Variants in TSHZ2 observed in about 807,000 individuals in gnomAD.
TSHZ2 encodes teashirt zinc finger homeobox 2.
Under a neutral mutation model 74.4 loss-of-function variants are expected in TSHZ2, and 21 were observed. The ratio of observed to expected loss-of-function variants is 0.28; its 90% CI spans 0.20 to 0.41. TSHZ2 has a LOEUF of 0.41. Ranked by LOEUF, TSHZ2 falls within the 10% of genes least tolerant of loss-of-function variation. TSHZ2 has a pLI of 1.00. For synonymous variants in TSHZ2, 540 were observed against 515.3 expected, an observed-to-expected ratio of 1.05 and a Z score of -0.65; for missense variants, 1,244 against 1,293.5, an observed-to-expected ratio of 0.96 and a Z score of 0.59.
intron 1 of TSHZ2, among the ~76,000 whole-genome samples, chr20:53,032,965 A>G (rs1983691313): frequency 6.6e-6 from 1 of 152,188 alleles, no homozygotes; most frequent in African/African-American, 2.4e-5. Flanking sequence ...CTGGAATTAA[A>G]TATAACAGTA....
At chr20:53,078,737 T>G in intron 1 of TSHZ2, among the ~76,000 whole-genome samples, 1 of 152,088 alleles carries the variant, frequency 6.6e-6, no homozygotes, top group South Asian at 2.1e-4. Flanking sequence ...GTGGGTGGAT[T>G]GAGATAGATT....
At position 53,074,144 on chromosome 20, in the gene TSHZ2, T is replaced by C. The variant is rs1354080443; in HGVS notation, c.40+100811T>C. On this transcript the variant is annotated intron_variant, in intron 1 of 2. Transcript: ENST00000371497. This position sits in a 1 kb window ranked among gnomAD's most constrained non-coding sequence, Gnocchi z 5.9. ...TCCTTGGTGAACTCTTATGTATCTT[T>C]TAAACTGCTGTTCAAATGTCGCCTT... Among the ~76,000 whole-genome samples, 1 of 152,250 alleles carries C rather than the reference T, an allele frequency of 6.6e-6. No individual in the cohort carries two copies. The highest frequency in any genetic ancestry group is 2.4e-5 in the African/African-American group (1 of 41,472).
At chr20:53,070,092 GCAA>G in intron 1 of TSHZ2, among the ~76,000 whole-genome samples, 1 of 152,108 alleles carries the variant, frequency 6.6e-6, no homozygotes, top group Non-Finnish European at 1.5e-5. Flanking sequence ...ATCTTATTTA[GCAA>G]GAAAAACTTC....
intron 2 of TSHZ2, among the ~76,000 whole-genome samples, chr20:53,307,536 T>G (rs1567664): frequency 0.34 from 52,089 of 151,968 alleles, 9,111 homozygotes; most frequent in Middle Eastern, 0.41. Flanking sequence ...CGCACATTAG[T>G]GTCACCTGGG....
intron 2 of TSHZ2, among the ~76,000 whole-genome samples, chr20:53,436,397 C>T (rs934640666): frequency 6.6e-6 from 1 of 152,074 alleles, no homozygotes; most frequent in Non-Finnish European, 1.5e-5. Context: ...AACCCAGAAG[C>T]TCAGAGGCTG....
chr20:53,204,226 T>C (rs552646505), intron 1 of TSHZ2, among the ~76,000 whole-genome samples: 10 of 128,198 alleles, frequency 7.8e-5, no homozygotes, highest in East Asian at 2.2e-4. Flanking sequence ...TATATCATCA[T>C]ATGATGATAT....
intron 2 of TSHZ2, among the ~76,000 whole-genome samples, chr20:53,402,793 C>T (rs1048255488): frequency 6.6e-6 from 1 of 152,086 alleles, no homozygotes; most frequent in African/African-American, 2.4e-5. Flanking sequence ...CAGGAAGGTG[C>T]TTCTGCCCCA....
intron 2 of TSHZ2, among the ~76,000 whole-genome samples, chr20:53,438,915 G>A (rs113844388): frequency 0.016 from 2,429 of 152,180 alleles, 76 homozygotes; most frequent in African/African-American, 0.054. Context: ...AGCTGAGATC[G>A]CGCCATTGCA....
intron 1 of TSHZ2, among the ~76,000 whole-genome samples, chr20:53,082,212 T>G (rs1985558046): frequency 6.6e-6 from 1 of 152,226 alleles, no homozygotes; most frequent in Non-Finnish European, 1.5e-5. Context: ...GAATGGTCTA[T>G]GTATTTTTAA....
chr20:52,982,273 A>G (rs923888025), intron 1 of TSHZ2, among the ~76,000 whole-genome samples: 10 of 152,334 alleles, frequency 6.6e-5, no homozygotes, highest in South Asian at 2.1e-4. Context: ...TCCTGCTTCC[A>G]AAGTCCATGC....
At position 53,183,474 on chromosome 20, in the gene TSHZ2, G is replaced by T. The variant is rs568991386; in HGVS notation, c.41-70025G>T. 3.9e-5 allele frequency among the ~76,000 whole-genome samples: 6 copies of T among 152,326 alleles called. No individual in the cohort carries two copies. The South Asian group carries it at 6.2e-4, about 16-fold the overall frequency. On this transcript the variant is annotated intron_variant, in intron 1 of 2. Coordinates refer to ENST00000371497, the MANE Select transcript of TSHZ2 (RefSeq NM_173485.6). ...CAGGTGGAAGCCAAAGCGGGGCATA[G>T]CCAGGGATTGTGGCAGGGGCTTGAA...
Position 53,138,280 on chromosome 20 carries a change from A to G in TSHZ2, c.41-115219A>G, listed in dbSNP as rs183640855. Among the ~76,000 whole-genome samples the G allele has an allele frequency of 4.3e-3, 659 of 151,820 alleles. 11 individuals carry two copies. Among genetic ancestry groups the G allele is most frequent in the Non-Finnish European group, 2.4e-3 (165 of 67,948 alleles). ...GCGCCTGTAGTCCCAGCTACTTGGG[A>G]GGCTGAGGCAGGAGAATGGCATGAA... is the stretch of plus-strand genomic sequence containing the variant. On this transcript the variant is annotated intron_variant, in intron 1 of 2. Transcript: ENST00000371497.
At chr20:53,430,894 T>A (rs1207297762) in intron 2 of TSHZ2, among the ~76,000 whole-genome samples, 5 of 152,094 alleles carry the variant, frequency 3.3e-5, no homozygotes, top group African/African-American at 4.8e-5. Flanking sequence ...TAGCTGGGAC[T>A]ACAGGTATGC....
chr20:53,030,415 C>G (rs1983593281), intron 1 of TSHZ2, among the ~76,000 whole-genome samples: 1 of 151,172 alleles, frequency 6.6e-6, no homozygotes, highest in East Asian at 1.9e-4. Flanking sequence ...TTTCATCTTT[C>G]AAAAAGAAAT....
intron 1 of TSHZ2, among the ~76,000 whole-genome samples, chr20:53,139,854 C>A (rs1987343559): frequency 6.6e-6 from 1 of 152,218 alleles, no homozygotes; most frequent in South Asian, 2.1e-4. Flanking sequence ...TCAGTGATAG[C>A]TGCCCTAAGA....
intron 1 of TSHZ2, among the ~76,000 whole-genome samples, chr20:53,066,409 A>G (rs966840798): frequency 2.7e-5 from 4 of 150,422 alleles, no homozygotes; most frequent in African/African-American, 4.9e-5. Flanking sequence ...AATACCCAGG[A>G]AGCCTTATCT....
intron 1 of TSHZ2, among the ~76,000 whole-genome samples, chr20:53,057,235 C>G (rs942730868): frequency 6.6e-6 from 1 of 152,196 alleles, no homozygotes; most frequent in African/African-American, 2.4e-5. Context: ...TTCTTCATAG[C>G]AGTATGAAAA....
At chr20:53,401,378 ACTTT>A (rs1184660067) in intron 2 of TSHZ2, 2 of 152,186 alleles carry the variant, frequency 1.3e-5, no homozygotes, top group African/African-American at 2.4e-5. Context: ...TTTTAATTAT[ACTTT>A]CTTTTTTATT....
intron 2 of TSHZ2, among the ~76,000 whole-genome samples, chr20:53,276,302 T>G (rs1159276533): frequency 6.6e-6 from 1 of 152,042 alleles, no homozygotes; most frequent in Non-Finnish European, 1.5e-5. Context: ...GTTGAGAAAT[T>G]TGTCCTAAGG....
Sources: allele counts gnomAD v4.1 joint callset (sites outside exome capture counted in the v4.1 genomes callset), GRCh38; gene constraint gnomAD v4.1.1; non-coding constraint Gnocchi (gnomAD v3.1); transcripts MANE v1.5; gene names NCBI Gene and HGNC (gene_info 2026-07-23, HGNC 2026-07-21).